THSD7A: variants seen among roughly 807,000 people sequenced by gnomAD.
THSD7A encodes thrombospondin type-1 domain-containing protein 7A.
A neutral mutation model predicts 231.3 loss-of-function variants in THSD7A; 96 were observed. The ratio of observed to expected loss-of-function variants is 0.41; its 90% CI spans 0.35 to 0.49. The LOEUF (loss-of-function observed/expected upper bound fraction) is 0.49, where lower values mean the gene tolerates loss of function less well. Among genes scored for constraint, THSD7A ranks in the 20% least tolerant of loss-of-function variants. The probability of loss-of-function intolerance (pLI) is 0.05; values close to 1 mark genes in which losing one functional copy is unlikely to be tolerated. For missense variants in THSD7A, 2,290 were observed against 2,070.2 expected (o/e 1.11, Z -2.06); for synonymous variants, 940 against 743.3 (o/e 1.26, Z -4.30).
At chr7:11,619,071 T>G (rs1781217747) in intron 2 of THSD7A, among the ~76,000 whole-genome samples, 1 of 152,048 alleles carries the variant, frequency 6.6e-6, no homozygotes, top group East Asian at 1.9e-4. Context: ...AAAAACTTTT[T>G]TAAACATCAT....
chr7:11,606,091 G>A (rs1015400364), intron 2 of THSD7A, among the ~76,000 whole-genome samples: 10 of 152,120 alleles, frequency 6.6e-5, no homozygotes, highest in African/African-American at 2.4e-4. Flanking sequence ...ACTGTTTGTT[G>A]GGGTGTGCAA....
intron 23 of THSD7A, chr7:11,385,450 C>A (rs1231779478): frequency 6.6e-6 from 1 of 151,908 alleles, no homozygotes; most frequent in Non-Finnish European, 1.5e-5. Flanking sequence ...TAAAAAGATT[C>A]TCTTCTAGTT....
intron 1 of THSD7A, among the ~76,000 whole-genome samples, chr7:11,752,834 G>C (rs1782546362): frequency 6.6e-6 from 1 of 152,034 alleles, no homozygotes; most frequent in Non-Finnish European, 1.5e-5. Context: ...GCTGAGTTGA[G>C]AGGATTGCTT....
chr7:11,612,261 G>C (rs186193741), intron 2 of THSD7A, among the ~76,000 whole-genome samples: 1 of 152,252 alleles, frequency 6.6e-6, no homozygotes, highest in East Asian at 1.9e-4. Context: ...GGCACAGCAA[G>C]CTCGACTGAC....
At chr7:11,502,365 A>G (rs1787371564) in intron 6 of THSD7A, among the ~76,000 whole-genome samples, 1 of 152,196 alleles carries the variant, frequency 6.6e-6, no homozygotes, top group Admixed American at 6.5e-5. Context: ...ATCCTTGATG[A>G]ACATCGATGC....
chr7:11,568,650 AAAAAC>A lies in THSD7A; in HGVS notation c.1453+21805_1453+21809del, dbSNP rs1319888698. On this transcript the variant is annotated intron_variant, in intron 4 of 27. Coordinates refer to ENST00000423059, the MANE Select transcript of THSD7A (RefSeq NM_015204.3). Reference sequence around the variant, plus strand: ...AAAAAAAAAAAAAAAAAAAAAAAAAAAAAACCAAAATCTGGAACAAGGTAAAGATG... The same window carrying A: ...AAAAAAAAAAAAAAAAAAAAAAAAAACAAAATCTGGAACAAGGTAAAGATG... 3.6e-4 allele frequency among the ~76,000 whole-genome samples: 52 copies of A among 143,914 alleles called. 1 individual carries two copies. Among genetic ancestry groups the A allele is most frequent in the African/African-American group, 1.3e-3 (51 of 38,310 alleles). 94.4% of individuals were successfully genotyped at this position (143,914 alleles called of 152,430 possible).
intron 4 of THSD7A, among the ~76,000 whole-genome samples, chr7:11,551,015 C>T (rs1156544396): frequency 6.6e-6 from 1 of 152,060 alleles, no homozygotes; most frequent in Non-Finnish European, 1.5e-5. Flanking sequence ...ATCAATGGAA[C>T]AGATTAGTGA....
At chr7:11,676,421 C>T (rs1783640270) in intron 1 of THSD7A, among the ~76,000 whole-genome samples, 1 of 152,104 alleles carries the variant, frequency 6.6e-6, no homozygotes, top group South Asian at 2.1e-4. Flanking sequence ...ATGAGTTTGA[C>T]TAATAGACAG....
intron 26 of THSD7A, 72 bp from the exon 27 acceptor site, chr7:11,376,729 A>G: frequency 8.6e-7 from 1 of 1,167,402 alleles, no homozygotes; most frequent in Non-Finnish European, 1.2e-6. Flanking sequence ...AACTATGACC[A>G]ATGATCAGTC....
chr7:11,609,745 C>T (rs2526107), intron 2 of THSD7A, among the ~76,000 whole-genome samples: 1 of 152,086 alleles, frequency 6.6e-6, no homozygotes, highest in African/African-American at 2.4e-5. Context: ...TGCAGAGAAG[C>T]TTATTCAATC....
intron 1 of THSD7A, among the ~76,000 whole-genome samples, chr7:11,756,759 C>G (rs538304460): frequency 2.0e-5 from 3 of 152,046 alleles, no homozygotes; most frequent in Admixed American, 1.3e-4. Context: ...GCCTCCAGAA[C>G]TACAGAGTTG....
At chr7:11,435,502 G>A (rs967395011) in intron 13 of THSD7A, among the ~76,000 whole-genome samples, 1 of 152,058 alleles carries the variant, frequency 6.6e-6, no homozygotes, top group African/African-American at 2.4e-5. Context: ...CATGGCCAAT[G>A]ATTCTTCAGT....
At chr7:11,528,182 A>T (rs1788557014) in intron 6 of THSD7A, among the ~76,000 whole-genome samples, 1 of 152,092 alleles carries the variant, frequency 6.6e-6, no homozygotes, top group Non-Finnish European at 1.5e-5. Flanking sequence ...ATAAAATAAA[A>T]TGTAGAAAAC....
chr7:11,674,941 A>G (rs762050547), intron 1 of THSD7A, among the ~76,000 whole-genome samples: 4 of 152,188 alleles, frequency 2.6e-5, no homozygotes, highest in Non-Finnish European at 4.4e-5. Context: ...TTGAAAGATG[A>G]CATAGCTATG....
intron 18 of THSD7A, among the ~76,000 whole-genome samples, chr7:11,412,215 CT>C (rs764972975): frequency 2.2e-4 from 34 of 152,124 alleles, no homozygotes; most frequent in Non-Finnish European, 5.0e-4. Context: ...GATTTATAAT[CT>C]TTGGCAAGTT....
Position 11,399,512 on chromosome 7 carries a change from T to A in THSD7A, c.4411+2283A>T, listed in dbSNP as rs189725464. Among the ~76,000 whole-genome samples, 4 of 152,302 alleles carry A rather than the reference T, an allele frequency of 2.6e-5. No homozygotes were observed. In the East Asian group the frequency reaches 7.7e-4, roughly 29 times the overall value. On this transcript the variant is annotated intron_variant, in intron 23 of 27. Coordinates refer to ENST00000423059, the MANE Select transcript of THSD7A (RefSeq NM_015204.3). ...TCATCCATGTTGGTTGCATTCCATT[T>A]CCTTTTTGCTTTTCTTAAAAATTTA...
At chr7:11,659,071 C>T (rs1321748754) in intron 1 of THSD7A, among the ~76,000 whole-genome samples, 1 of 151,638 alleles carries the variant, frequency 6.6e-6, no homozygotes, top group Non-Finnish European at 1.5e-5. Context: ...ACAGACACTC[C>T]TATCTTTAAT....
Position 11,576,517 on chromosome 7 carries a change from C to T in THSD7A, c.1453+13943G>A, listed in dbSNP as rs958221782. 3.9e-5 allele frequency among the ~76,000 whole-genome samples: 6 copies of T among 152,100 alleles called. No homozygotes were observed. The East Asian group carries it at 5.8e-4, about 15-fold the overall frequency. Reference sequence around the variant, plus strand: ...AGAGTCACTGCGATTCATAGCTAGCCGGTCTGGATTTGATTCTGATAATGT... The same window carrying T: ...AGAGTCACTGCGATTCATAGCTAGCTGGTCTGGATTTGATTCTGATAATGT... On this transcript the variant is annotated intron_variant, in intron 4 of 27. Coordinates refer to ENST00000423059, the MANE Select transcript of THSD7A (RefSeq NM_015204.3).
At chr7:11,603,000 T>G (rs997337884) in intron 2 of THSD7A, among the ~76,000 whole-genome samples, 1 of 150,940 alleles carries the variant, frequency 6.6e-6, no homozygotes, top group East Asian at 2.0e-4. Context: ...CCAAAAGCAA[T>G]GGCAACAAAA....
Sources: allele counts gnomAD v4.1 joint callset (sites outside exome capture counted in the v4.1 genomes callset), GRCh38; gene constraint gnomAD v4.1.1; transcripts MANE v1.5; gene names NCBI Gene and HGNC (gene_info 2026-07-23, HGNC 2026-07-21).